Variants in NTMT1 observed in about 807,000 individuals in gnomAD.
The protein encoded by NTMT1 is N-terminal RCC1 methyltransferase.
In NTMT1, 8 loss-of-function variants were observed where a neutral mutation model predicts 17.5. The ratio of observed to expected loss-of-function variants is 0.46; its 90% CI spans 0.27 to 0.82. NTMT1 has a LOEUF of 0.82. NTMT1 is among the 40% of genes least tolerant of loss of function. NTMT1 has a pLI of 0.15. For synonymous variants in NTMT1, 128 were observed against 126.8 expected (o/e 1.01, Z -0.06); for missense variants, 221 against 303.5 (o/e 0.73, Z 2.02).
intron 1 of NTMT1, among the ~76,000 whole-genome samples, chr9:129,632,343 G>C (rs952477303): frequency 6.6e-6 from 1 of 152,208 alleles, no homozygotes; most frequent in Non-Finnish European, 1.5e-5. Context: ...GCTCCGGAGG[G>C]TGAGGTGGGA....
At chr9:129,612,759 T>C (rs1465598919) in intron 1 of NTMT1, among the ~76,000 whole-genome samples, 1 of 151,982 alleles carries the variant, frequency 6.6e-6, no homozygotes, top group African/African-American at 2.4e-5. Context: ...GTGTCCCCAT[T>C]GCAGAGGTTG....
chr9:129,628,215 G>A (rs1830987382), intron 1 of NTMT1, among the ~76,000 whole-genome samples: 1 of 152,152 alleles, frequency 6.6e-6, no homozygotes, highest in Non-Finnish European at 1.5e-5. Flanking sequence ...CAGACTCTTA[G>A]GGACCTCCTC....
rs900434296 is a variant in NTMT1, at chr9:129,635,256, G to A, written c.464G>A (p.Gly155Asp). 6.2e-7 allele frequency: 1 copy of A among 1,613,080 alleles called. No homozygotes were observed. Residue 155 changes from glycine to aspartate, a missense_variant, in exon 4 of 4, where the codon GGC becomes GAC. By Grantham distance (94) the Gly-to-Asp change is moderately conservative. Transcript: ENST00000372483. ...HLAEFLRRCK[G>D]SLRPNGIIVI... ...GCCGAGTTCCTGCGGCGCTGCAAGG[G>A]CAGCCTCCGCCCCAACGGCATCATC...
chr9:129,610,634 A>T (rs1013881108), intron 1 of NTMT1, among the ~76,000 whole-genome samples: 4 of 151,844 alleles, frequency 2.6e-5, no homozygotes, highest in African/African-American at 9.7e-5. Context: ...CGAGGGGAAA[A>T]GTTTCCGACC....
At chr9:129,633,082 G>T (rs927117741) in intron 2 of NTMT1, 3 of 539,106 alleles carry the variant, frequency 5.6e-6, no homozygotes, top group African/African-American at 3.8e-5. Context: ...GGAGCTGGCT[G>T]TTAGGCAGAA....
At chr9:129,615,219 C>A (rs1484907996) in intron 1 of NTMT1, among the ~76,000 whole-genome samples, 1 of 152,218 alleles carries the variant, frequency 6.6e-6, no homozygotes, top group Non-Finnish European at 1.5e-5. Context: ...GCAGATACAG[C>A]ATATGGGAAC....
intron 1 of NTMT1, among the ~76,000 whole-genome samples, chr9:129,610,847 C>T (rs369102813): frequency 6.6e-6 from 1 of 152,034 alleles, no homozygotes; most frequent in Non-Finnish European, 1.5e-5. Flanking sequence ...ATCAGGCCTG[C>T]TGAGACGGGG....
At chr9:129,616,794 C>T (rs1479323980) in intron 1 of NTMT1, among the ~76,000 whole-genome samples, 1 of 152,130 alleles carries the variant, frequency 6.6e-6, no homozygotes, top group East Asian at 1.9e-4. Flanking sequence ...TAATTTCAGC[C>T]TCAACCCGGT....
chr9:129,629,361 T>C (rs1208319319), intron 1 of NTMT1, among the ~76,000 whole-genome samples: 1 of 147,752 alleles, frequency 6.8e-6, no homozygotes, highest in Non-Finnish European at 1.5e-5. Flanking sequence ...GTCTTGAGGA[T>C]TGGCAGGTCT....
At chr9:129,621,146 A>G (rs1368751822) in intron 1 of NTMT1, among the ~76,000 whole-genome samples, 2 of 152,200 alleles carry the variant, frequency 1.3e-5, no homozygotes, top group Admixed American at 6.5e-5. Flanking sequence ...TGGAACTGTT[A>G]CCGTCATTAG....
At chr9:129,623,501 A>G (rs1303497653), upstream of NTMT1, among the ~76,000 whole-genome samples, 1 of 152,194 alleles carries the variant, frequency 6.6e-6, no homozygotes, top group African/African-American at 2.4e-5. Flanking sequence ...GCCGAGAGGA[A>G]GCTCATAGTA....
intron 1 of NTMT1, chr9:129,612,311 G>A (rs1205683161): frequency 6.4e-7 from 1 of 1,554,642 alleles, no homozygotes; most frequent in East Asian, 2.3e-5. Flanking sequence ...TCATTGCCTG[G>A]CCCATGTGTG....
At chr9:129,618,824 C>T (rs1830516599) in intron 1 of NTMT1, among the ~76,000 whole-genome samples, 1 of 151,678 alleles carries the variant, frequency 6.6e-6, no homozygotes, top group African/African-American at 2.4e-5. Flanking sequence ...TCCCGAGTAG[C>T]TGGGACTACA....
intron 1 of NTMT1, among the ~76,000 whole-genome samples, chr9:129,617,407 G>A (rs1830445182): frequency 6.6e-6 from 1 of 152,206 alleles, no homozygotes; most frequent in African/African-American, 2.4e-5. Context: ...CCACCTGCCT[G>A]AAATCTCAGC....
upstream of NTMT1, among the ~76,000 whole-genome samples, chr9:129,625,248 T>G (rs908178875): frequency 3.9e-5 from 6 of 152,232 alleles, no homozygotes; most frequent in Non-Finnish European, 8.8e-5. Flanking sequence ...GGCCACGCTT[T>G]TGGAATGGAA....
At chr9:129,612,259 C>T (rs1830129860) in intron 1 of NTMT1, 2 of 1,148,548 alleles carry the variant, frequency 1.7e-6, no homozygotes, top group Admixed American at 4.0e-5. Flanking sequence ...GTCCCAGCCA[C>T]CTGGGATGTG....
At chr9:129,633,909 C>T in intron 2 of NTMT1, 145 bp from the exon 3 acceptor site, 1 of 846,628 alleles carries the variant, frequency 1.2e-6, no homozygotes, top group Non-Finnish European at 1.8e-6. Flanking sequence ...TACAAGCTGG[C>T]AGCCAGCACA....
intron 1 of NTMT1, among the ~76,000 whole-genome samples, chr9:129,610,946 C>T (rs547958613): frequency 1.3e-5 from 2 of 152,164 alleles, no homozygotes; most frequent in African/African-American, 4.8e-5. Flanking sequence ...TGTGTCTCCA[C>T]CCCCTTCCTT....
At position 129,614,344 on chromosome 9, in the gene NTMT1, A is replaced by G. The variant is rs144710643; in HGVS notation, c.-55+5166A>G. Among the ~76,000 whole-genome samples, 1,358 of 152,314 alleles carry G rather than the reference A, an allele frequency of 8.9e-3. 17 individuals carry two copies. Among genetic ancestry groups the G allele is most frequent in the African/African-American group, 0.028 (1,157 of 41,556 alleles). ...ACTCCAGCTTCCTGTCACGCTAAGG[A>G]GGCTGCGTCAGATCCCTCCCAAATC... On this transcript the variant is annotated intron_variant, in intron 1 of 3. Coordinates refer to the NTMT1 transcript ENST00000372486. The surrounding 1 kb of genome is among the most constrained non-coding windows in gnomAD (Gnocchi z 4.4).
Sources: allele counts gnomAD v4.1 joint callset (sites outside exome capture counted in the v4.1 genomes callset), GRCh38; gene constraint gnomAD v4.1.1; non-coding constraint Gnocchi (gnomAD v3.1); transcripts MANE v1.5; gene names NCBI Gene and HGNC (gene_info 2026-07-23, HGNC 2026-07-21).